The following GTSE1 variants were observed in gnomAD, a reference collection of about 807,000 sequenced individuals.
GTSE1 encodes the protein G2 and S-phase expressed 1.
Under a neutral mutation model 60.5 loss-of-function variants are expected in GTSE1, and 52 were observed. The ratio of observed to expected loss-of-function variants is 0.86; its 90% CI spans 0.69 to 1.08. The LOEUF (loss-of-function observed/expected upper bound fraction) is 1.08. GTSE1 is among the 50% of genes least tolerant of loss of function. The pLI is 0.00. For synonymous variants in GTSE1, 368 were observed against 386.5 expected, an observed-to-expected ratio of 0.95 and a Z score of 0.56; for missense variants, 937 against 961.8, an observed-to-expected ratio of 0.97 and a Z score of 0.34.
Position 46,328,823 on chromosome 22 carries a change from CA to C in GTSE1, c.1864del (p.Ser622ValfsTer6). ...SPEESDSTFS[K>X]STATEVAREE... ...CAGAGGAAAGCGATTCTACTTTCTC[CA>C]AAAGTACTGCCACAGAAGTAGCTCG... is the stretch of plus-strand genomic sequence containing the variant. On this transcript the variant is annotated frameshift_variant, in exon 10 of 12. Transcript: ENST00000454366. LOFTEE classifies it high-confidence loss of function. 3.1e-6 allele frequency: 5 copies of C among 1,613,960 alleles called. No individual in the cohort carries two copies. Among genetic ancestry groups the C allele is most frequent in the Non-Finnish European group, 3.4e-6 (4 of 1,179,892 alleles).
In GTSE1 at chr22:46,318,989, C is replaced by T. The variant is rs1569044103; in HGVS notation, c.1432+2577C>T. ...TCAAGGACCCTCACTGCAAGTTGTCCCTGTGACTCCGTTTGTGTCCCATTG... is the reference window on the plus strand; with the variant it reads ...TCAAGGACCCTCACTGCAAGTTGTCTCTGTGACTCCGTTTGTGTCCCATTG... On this transcript the variant is annotated intron_variant, in intron 7 of 11. Transcript: ENST00000454366. This position sits in a 1 kb window ranked among gnomAD's most constrained non-coding sequence, Gnocchi z 4.8. 6.6e-6 allele frequency among the ~76,000 whole-genome samples: 1 copy of T among 152,152 alleles called. No individual in the cohort carries two copies. The highest frequency in any genetic ancestry group is 1.5e-5 in the Non-Finnish European group (1 of 68,022).
At chr22:46,298,613 C>G (rs528149970) in intron 2 of GTSE1, among the ~76,000 whole-genome samples, 1 of 152,326 alleles carries the variant, frequency 6.6e-6, no homozygotes, top group African/African-American at 2.4e-5. Flanking sequence ...TGGCCCCAAG[C>G]ATCCTCAATG....
rs1433599848 is a variant in GTSE1, at chr22:46,304,136, T to G, written c.80-4014T>G. Among the ~76,000 whole-genome samples, 3 of 152,072 alleles carry G rather than the reference T, an allele frequency of 2.0e-5. No homozygotes were observed. On this transcript the variant is annotated intron_variant, in intron 2 of 11. Coordinates refer to ENST00000454366, the MANE Select transcript of GTSE1 (RefSeq NM_016426.7). This position sits in a 1 kb window ranked among gnomAD's most constrained non-coding sequence, Gnocchi z 4.4. Reference sequence around the variant, plus strand: ...TCCTGAGTAGCTGGGACTACAGGTATATGGCACCATACCCCGCTCATTTTT... The same window carrying G: ...TCCTGAGTAGCTGGGACTACAGGTAGATGGCACCATACCCCGCTCATTTTT...
At position 46,308,792 on chromosome 22, in the gene GTSE1, G is replaced by C; in HGVS notation, c.611G>C (p.Gly204Ala). The C allele has an allele frequency of 1.2e-6, 2 of 1,613,196 alleles. No individual in the cohort carries two copies. Among genetic ancestry groups the C allele is most frequent in the Non-Finnish European group, 1.7e-6 (2 of 1,179,998 alleles). ...GAQARLTRAP[G>A]PPHSAHALPR... ...CAGGCCCGCCTCACCCGGGCGCCGG[G>C]GCCTCCGCACTCTGCTCATGCTTTG... Residue 204 changes from glycine (G) to alanine (A), a missense_variant, in exon 4 of 12, where the codon GGG becomes GCG. Transcript: ENST00000454366.
Position 46,297,589 on chromosome 22 carries a change from T to G in GTSE1, c.79+110T>G. On this transcript the variant is annotated intron_variant, in intron 2 of 11. Coordinates refer to ENST00000454366, the MANE Select transcript of GTSE1 (RefSeq NM_016426.7). The surrounding 1 kb of genome is among the most constrained non-coding windows in gnomAD (Gnocchi z 4.9). ...TTTCTCAAGTGCTCGACTTGTACTC[T>G]GCACCTGTGAAACACATGACATCTG... 1.3e-6 allele frequency: 1 copy of G among 754,656 alleles called. No homozygotes were observed. Among genetic ancestry groups the G allele is most frequent in the Non-Finnish European group, 2.3e-6 (1 of 443,990 alleles). 46.7% of individuals were successfully genotyped at this position (754,656 alleles called of 1,614,324 possible).
At chr22:46,323,142 T>G in intron 7 of GTSE1, 48 bp from the exon 8 acceptor site, 1 of 1,210,792 alleles carries the variant, frequency 8.3e-7, no homozygotes, top group Middle Eastern at 1.9e-4. Context: ...ACAGTAGGTC[T>G]CCCCCTGATC....
chr22:46,318,698 G>A lies in GTSE1; in HGVS notation c.1432+2286G>A, dbSNP rs933828414. ...GCAGAGGCAACGGCAGGAGTGCAGAGGTCCTGGGGCAGGAAGGCGTGGGAC... is the reference window on the plus strand; with the variant it reads ...GCAGAGGCAACGGCAGGAGTGCAGAAGTCCTGGGGCAGGAAGGCGTGGGAC... On this transcript the variant is annotated intron_variant, in intron 7 of 11. Coordinates refer to ENST00000454366, the MANE Select transcript of GTSE1 (RefSeq NM_016426.7). This position sits in a 1 kb window ranked among gnomAD's most constrained non-coding sequence, Gnocchi z 4.8. 1.3e-5 allele frequency among the ~76,000 whole-genome samples: 2 copies of A among 152,186 alleles called. No individual in the cohort carries two copies. Among genetic ancestry groups the A allele is most frequent in the Admixed American group, 1.3e-4 (2 of 15,274 alleles).
Position 46,329,900 on chromosome 22 carries a change from CGTG to C in GTSE1, c.2137-142_2137-140del. ...TCCTGTCTCCTTCCAGCTTCTTAGA[CGTG>C]GTGGCCCAGAGTGCTTTTCAGTGCA... On this transcript the variant is annotated intron_variant, in intron 11 of 11. Coordinates refer to ENST00000454366, the MANE Select transcript of GTSE1 (RefSeq NM_016426.7). The surrounding 1 kb of genome is among the most constrained non-coding windows in gnomAD (Gnocchi z 6.4). 1.4e-5 allele frequency: 9 copies of C among 638,316 alleles called. No individual in the cohort carries two copies. In the South Asian group the frequency reaches 1.6e-4, roughly 12 times the overall value. The allele number at this position is 638,316 out of a possible 1,614,324, so 39.5% of individuals were successfully genotyped here. A position where few individuals can be genotyped will look rare whatever the true frequency, so the allele number is the denominator to read the frequency against.
rs762914257 is a variant in GTSE1 at position 46,308,362 on chromosome 22, A to C, written c.181A>C (p.Lys61Gln). The change falls in exon 4 of 12, where the codon AAA becomes CAA. Residue 61 changes from lysine (K) to glutamine (Q), a missense_variant. Lys to Gln is a moderately conservative substitution (Grantham distance 53). Coordinates refer to ENST00000454366, the MANE Select transcript of GTSE1 (RefSeq NM_016426.7). ...AGTCTTCTTCGGACCCTTTGGACATAAAGAAAGATGTATTGCTGCCAGCTT... is the reference window on the plus strand; with the variant it reads ...AGTCTTCTTCGGACCCTTTGGACATCAAGAAAGATGTATTGCTGCCAGCTT... ...DEVFFGPFGH[K>Q]ERCIAASLEL... 4.3e-5 allele frequency: 70 copies of C among 1,613,978 alleles called. 3 individuals carry two copies. In the Admixed American group the frequency reaches 1.2e-3, roughly 27 times the overall value.
intron 9 of GTSE1, 131 bp downstream of exon 9, chr22:46,326,785 T>TC: frequency 1.6e-6 from 1 of 618,018 alleles, no homozygotes; most frequent in Non-Finnish European, 2.7e-6. Context: ...TTGTTTGTTT[T>TC]TTTTTTCATT....
Position 46,316,743 on chromosome 22 carries a change from T to G in GTSE1, c.1432+331T>G, listed in dbSNP as rs115944872. 0.01 allele frequency among the ~76,000 whole-genome samples: 1,588 copies of G among 152,282 alleles called. 29 individuals carry two copies. Among genetic ancestry groups the G allele is most frequent in the African/African-American group, 0.036 (1,503 of 41,540 alleles). ...TTATCCCGCTGAGGGTTTCTTAAGC[T>G]TCTTTGATCTGTGGGTTGGTTTTTT... On this transcript the variant is annotated intron_variant, in intron 7 of 11. Coordinates refer to ENST00000454366, the MANE Select transcript of GTSE1 (RefSeq NM_016426.7). The surrounding 1 kb of genome is among the most constrained non-coding windows in gnomAD (Gnocchi z 5.0).
Position 46,330,071 on chromosome 22 carries a change from A to G in GTSE1, c.2161A>G (p.Ile721Val), listed in dbSNP as rs2147836501. Residue 721 changes from isoleucine to valine, a missense_variant, in exon 12 of 12, where the codon ATC becomes GTC. Ile to Val is a conservative substitution (Grantham distance 29). Transcript: ENST00000454366. The surrounding 1 kb of genome is among the most constrained non-coding windows in gnomAD (Gnocchi z 6.0). Reference protein sequence around the residue: ...GQLIDLSSPLIQLSPEADKEN... With the variant: ...GQLIDLSSPLVQLSPEADKEN... ...GCTCATAGACCTGAGCTCCCCTCTG[A>G]TCCAGCTGAGCCCTGAGGCTGACAA... is the stretch of plus-strand genomic sequence containing the variant. 1.2e-6 allele frequency: 2 copies of G among 1,611,132 alleles called. No individual in the cohort carries two copies. Among genetic ancestry groups the G allele is most frequent in the East Asian group, 2.2e-5 (1 of 44,856 alleles).
chr22:46,311,223 G>A (rs1377724853), intron 4 of GTSE1, among the ~76,000 whole-genome samples: 1 of 151,914 alleles, frequency 6.6e-6, no homozygotes, highest in Non-Finnish European at 1.5e-5. Context: ...GATTACAGGC[G>A]CCCGCCACCA....
rs1263003331 is a variant in GTSE1, at chr22:46,318,691, G to A, written c.1432+2279G>A. On this transcript the variant is annotated intron_variant, in intron 7 of 11. Transcript: ENST00000454366. The surrounding 1 kb of genome is among the most constrained non-coding windows in gnomAD (Gnocchi z 4.8). ...ACTCCAGGCAGAGGCAACGGCAGGA[G>A]TGCAGAGGTCCTGGGGCAGGAAGGC... Among the ~76,000 whole-genome samples the A allele has an allele frequency of 6.6e-6, 1 of 152,176 alleles. No homozygotes were observed. Among genetic ancestry groups the A allele is most frequent in the African/African-American group, 2.4e-5 (1 of 41,448 alleles).
rs150589899 is a variant in GTSE1, at chr22:46,310,092, T to G, written c.762+1149T>G. 0.023 allele frequency among the ~76,000 whole-genome samples: 3,574 copies of G among 152,284 alleles called. 54 individuals are homozygous for G. The highest frequency in any genetic ancestry group is 0.029 in the Non-Finnish European group (1,993 of 68,014). On this transcript the variant is annotated intron_variant, in intron 4 of 11. Transcript: ENST00000454366. The surrounding 1 kb of genome is among the most constrained non-coding windows in gnomAD (Gnocchi z 4.4). The stretch of plus-strand genomic sequence containing the variant: ...CAGCTGAGATGCACTCATGCACACG[T>G]GGGAGCCCCACCATGTCCTGCATGT...
chr22:46,308,010 T>C (rs914809903), intron 2 of GTSE1, 140 bp from the exon 3 acceptor site: 2 of 641,526 alleles, frequency 3.1e-6, no homozygotes, highest in Non-Finnish European at 2.7e-6. Context: ...TATGAAAAAC[T>C]AAATTAGCAT....
chr22:46,322,073 C>CAAAAA (rs769915567), intron 7 of GTSE1, among the ~76,000 whole-genome samples: 8 of 44,608 alleles, frequency 1.8e-4, no homozygotes, highest in African/African-American at 4.8e-4. Context: ...GACTCTGTCT[C>CAAAAA]AAAAAAAAAA....
Position 46,320,259 on chromosome 22 carries a change from G to A in GTSE1, c.1433-2931G>A, listed in dbSNP as rs765803055. Among the ~76,000 whole-genome samples the A allele has an allele frequency of 3.3e-5, 5 of 152,156 alleles. No homozygotes were observed. The highest frequency in any genetic ancestry group is 7.4e-5 in the Non-Finnish European group (5 of 68,024). ...TTGGCTTTGCCCTGTTTCCCAGAGC[G>A]TGTCCCTGCGGTCTCCTTACGCACC... On this transcript the variant is annotated intron_variant, in intron 7 of 11. Coordinates refer to ENST00000454366, the MANE Select transcript of GTSE1 (RefSeq NM_016426.7). The surrounding 1 kb of genome is among the most constrained non-coding windows in gnomAD (Gnocchi z 7.1).
At chr22:46,315,853 T>C (rs1404105997) in intron 6 of GTSE1, among the ~76,000 whole-genome samples, 179 bp from the exon 7 acceptor site, 1 of 152,250 alleles carries the variant, frequency 6.6e-6, no homozygotes, top group Non-Finnish European at 1.5e-5. Context: ...TACACTCAGC[T>C]AAGCTAAAAG....
Sources: gnomAD v4.1 joint callset for allele counts (sites outside exome capture counted in the v4.1 genomes callset) on GRCh38, gnomAD v4.1.1 for gene constraint, Gnocchi (gnomAD v3.1) non-coding constraint, MANE v1.5 for transcripts, NCBI Gene and HGNC (gene_info 2026-07-23, HGNC 2026-07-21) for gene names.